The following PSMD14 variants were observed in gnomAD, a reference collection of about 807,000 sequenced individuals.
The protein encoded by PSMD14 is proteasome 26S subunit, non-ATPase 14, also known as ubiquitin C-terminal hydrolase PSMD14.
A neutral mutation model predicts 41.2 loss-of-function variants in PSMD14; 7 were observed. The ratio of observed to expected loss-of-function variants is 0.17; its 90% CI spans 0.10 to 0.32. The LOEUF (loss-of-function observed/expected upper bound fraction) is 0.32. Among genes scored for constraint, PSMD14 ranks in the 10% least tolerant of loss-of-function variants. The pLI is 1.00. For synonymous variants in PSMD14, 114 were observed against 122.3 expected (o/e 0.93, Z 0.45); for missense variants, 139 against 375.6 (o/e 0.37, Z 5.21).
intron 7 of PSMD14, among the ~76,000 whole-genome samples, chr2:161,380,482 C>T (rs1245961688): frequency 1.3e-5 from 2 of 151,960 alleles, no homozygotes; most frequent in African/African-American, 4.8e-5. Flanking sequence ...CATGTCTTCA[C>T]TTGTCAAAAA....
intron 7 of PSMD14, among the ~76,000 whole-genome samples, chr2:161,380,012 G>A (rs1046160709): frequency 6.6e-6 from 1 of 152,000 alleles, no homozygotes; most frequent in South Asian, 2.1e-4. Flanking sequence ...TCAGTCATGC[G>A]CTCCACAGCA....
intron 3 of PSMD14, among the ~76,000 whole-genome samples, chr2:161,352,028 A>T (rs922570283): frequency 6.6e-6 from 1 of 152,174 alleles, no homozygotes; most frequent in Non-Finnish European, 1.5e-5. Context: ...AAACCTCTGT[A>T]TCTCACTAAA....
At chr2:161,363,276 G>T (rs1251474192) in intron 3 of PSMD14, among the ~76,000 whole-genome samples, 1 of 152,142 alleles carries the variant, frequency 6.6e-6, no homozygotes, top group South Asian at 2.1e-4. Context: ...CTGGTCCCTG[G>T]CACCAAAGAG....
At chr2:161,369,842 T>G (rs542053350) in intron 5 of PSMD14, among the ~76,000 whole-genome samples, 1 of 152,174 alleles carries the variant, frequency 6.6e-6, no homozygotes, top group Non-Finnish European at 1.5e-5. Flanking sequence ...TTATTTCGTA[T>G]TTCTGGTAAA....
At chr2:161,405,510 C>G (rs193111628) in intron 10 of PSMD14, among the ~76,000 whole-genome samples, 1 of 151,938 alleles carries the variant, frequency 6.6e-6, no homozygotes, top group Admixed American at 6.6e-5. Flanking sequence ...AGATTAACTT[C>G]TTTATTGAGA....
chr2:161,335,902 T>C (rs1340394282), intron 3 of PSMD14, among the ~76,000 whole-genome samples: 1 of 152,222 alleles, frequency 6.6e-6, no homozygotes, highest in Non-Finnish European at 1.5e-5. Flanking sequence ...AGAATCCACT[T>C]TGCCAGGGTT....
chr2:161,334,885 C>G (rs1396492135), intron 3 of PSMD14, among the ~76,000 whole-genome samples: 1 of 152,236 alleles, frequency 6.6e-6, no homozygotes, highest in East Asian at 1.9e-4. Context: ...GTTTTTCTAT[C>G]TGTTCCCTTA....
chr2:161,339,188 T>C (rs566366319), intron 3 of PSMD14, among the ~76,000 whole-genome samples: 2 of 152,314 alleles, frequency 1.3e-5, no homozygotes, highest in Non-Finnish European at 2.9e-5. Flanking sequence ...ATATGGTAGG[T>C]ATATGTTTAA....
chr2:161,391,757 A>G (rs1030942244), intron 9 of PSMD14, among the ~76,000 whole-genome samples: 1 of 151,890 alleles, frequency 6.6e-6, no homozygotes, highest in Non-Finnish European at 1.5e-5. Flanking sequence ...ACACCTGGCT[A>G]TTTTTTGGGT....
chr2:161,401,778 C>T (rs201868306), intron 10 of PSMD14, among the ~76,000 whole-genome samples: 1 of 150,950 alleles, frequency 6.6e-6, no homozygotes, highest in South Asian at 2.1e-4. Context: ...ATGCATTTGA[C>T]ATTATTATTA....
In PSMD14 at chr2:161,314,780, T is replaced by G. The variant is rs1689129408; in HGVS notation, c.-137-1657T>G. 2.0e-5 allele frequency among the ~76,000 whole-genome samples: 3 copies of G among 152,350 alleles called. No individual in the cohort carries two copies. In the South Asian group the frequency reaches 6.2e-4, roughly 32 times the overall value. On this transcript the variant is annotated intron_variant, in intron 1 of 11. Coordinates refer to ENST00000409682, the MANE Select transcript of PSMD14 (RefSeq NM_005805.6). ...ATTACAATATTCCTATATGTGTTTA[T>G]AGTAGAATTTGTTTATCCATTCATT... is the stretch of plus-strand genomic sequence containing the variant.
chr2:161,352,199 A>G (rs7595718), intron 3 of PSMD14, among the ~76,000 whole-genome samples: 138,912 of 152,164 alleles, frequency 0.91, 63,459 homozygotes, highest in East Asian at 1. Flanking sequence ...TATATCAGTG[A>G]TTTTCAACCT....
At chr2:161,342,948 G>A (rs984376482) in intron 3 of PSMD14, among the ~76,000 whole-genome samples, 4 of 151,986 alleles carry the variant, frequency 2.6e-5, no homozygotes, top group African/African-American at 4.8e-5. Context: ...TTTATTTATA[G>A]CATGTGAATG....
intron 3 of PSMD14, among the ~76,000 whole-genome samples, chr2:161,360,442 A>G (rs999760024): frequency 6.7e-6 from 1 of 150,044 alleles, no homozygotes; most frequent in Non-Finnish European, 1.5e-5. Context: ...TGCAACCTCC[A>G]CATCCCGTGT....
intron 3 of PSMD14, among the ~76,000 whole-genome samples, chr2:161,336,120 CCTTTTATTCATTT>C (rs1559041097): frequency 5.8e-5 from 1 of 17,138 alleles, no homozygotes; most frequent in Non-Finnish European, 1.6e-4. Context: ...ATGGTCTCCA[CCTTTTATTCATTT>C]GGTCTCCACC....
At chr2:161,384,017 A>G (rs1412704173) in intron 7 of PSMD14, 1 of 151,596 alleles carries the variant, frequency 6.6e-6, no homozygotes, top group Non-Finnish European at 1.5e-5. Context: ...AAGTATAAGC[A>G]TGTAGGCCAT....
At chr2:161,410,876 A>C (rs1455287269) in intron 11 of PSMD14, among the ~76,000 whole-genome samples, 7 of 152,120 alleles carry the variant, frequency 4.6e-5, no homozygotes. Context: ...ATTCACACTG[A>C]ACTCTTACCC....
intron 3 of PSMD14, among the ~76,000 whole-genome samples, chr2:161,347,839 C>T: frequency 6.6e-6 from 1 of 151,824 alleles, no homozygotes; most frequent in Non-Finnish European, 1.5e-5. Flanking sequence ...GTAATCTTTA[C>T]AACTCTTTGC....
chr2:161,324,134 G>A (rs561513345), intron 3 of PSMD14, among the ~76,000 whole-genome samples: 11 of 152,218 alleles, frequency 7.2e-5, no homozygotes, highest in Non-Finnish European at 1.3e-4. Flanking sequence ...GTGGCATTTA[G>A]TAACTTGTCT....
Sources: allele counts gnomAD v4.1 joint callset (sites outside exome capture counted in the v4.1 genomes callset), GRCh38; gene constraint gnomAD v4.1.1; transcripts MANE v1.5; gene names NCBI Gene and HGNC (gene_info 2026-07-23, HGNC 2026-07-21).